DSE: variants seen among roughly 807,000 people sequenced by gnomAD.
The protein encoded by DSE is dermatan sulfate epimerase.
In DSE, 36 loss-of-function variants were observed where a neutral mutation model predicts 84.4. The observed-to-expected ratio is 0.43, with a 90% CI of 0.33 to 0.56. The LOEUF (loss-of-function observed/expected upper bound fraction) is 0.56, where lower values mean the gene tolerates loss of function less well. Among genes scored for constraint, DSE ranks in the 20% least tolerant of loss-of-function variants. The pLI, the probability that DSE is intolerant of heterozygous loss-of-function variation, is 0.06. For synonymous variants in DSE, 410 were observed against 430.1 expected, an observed-to-expected ratio of 0.95 and a Z score of 0.58; for missense variants, 862 against 1,169.6, an observed-to-expected ratio of 0.74 and a Z score of 3.84.
At chr6:116,268,366 G>A (rs1303997689) in intron 2 of DSE, among the ~76,000 whole-genome samples, 1 of 152,204 alleles carries the variant, frequency 6.6e-6, no homozygotes, top group Non-Finnish European at 1.5e-5. Context: ...TACATGTGTA[G>A]TAGGCTATAG....
rs1233256379 is a variant in DSE at position 116,438,174 on chromosome 6, A to C, written c.*829A>C. The C allele has an allele frequency of 6.6e-6, 1 of 152,578 alleles. No homozygotes were observed. Among genetic ancestry groups the C allele is most frequent in the African/African-American group, 2.4e-5 (1 of 41,458 alleles). The allele number at this position is 152,578 out of a possible 1,614,324, so 9.5% of individuals were successfully genotyped here. The stretch of plus-strand genomic sequence containing the variant: ...TTTTCTATTATGAATGTTGATTTTC[A>C]TACCAAAGAAGATGGAGAGTCTAAA... On this transcript the variant is annotated 3_prime_UTR_variant, in exon 6 of 6. Coordinates refer to ENST00000644252, the MANE Select transcript of DSE (RefSeq NM_013352.4).
intron 2 of DSE, among the ~76,000 whole-genome samples, chr6:116,406,165 G>T (rs946079017): frequency 6.6e-6 from 1 of 152,096 alleles, no homozygotes; most frequent in Non-Finnish European, 1.5e-5. Context: ...TCACTTGCTC[G>T]CCTACCTCCC....
In DSE at chr6:116,437,182, T is replaced by C; in HGVS notation, c.2714T>C (p.Leu905Pro). 3 of 1,614,184 alleles carry C rather than the reference T, an allele frequency of 1.9e-6. No individual in the cohort carries two copies. The highest frequency in any genetic ancestry group is 2.5e-6 in the Non-Finnish European group (3 of 1,180,022). The stretch of plus-strand genomic sequence containing the variant: ...TCTGCTTCCTATACCAGGTTGTTCC[T>C]GATTCTGAACATTGCTATTTTCTTT... ...SLSASYTRLF[L>P]ILNIAIFFVM... is the part of the protein sequence containing the mutation. Residue 905 changes from leucine to proline, a missense_variant, in exon 6 of 6, where the codon CTG becomes CCG. This residue lies in a region of DSE where 315 missense variants were observed against 348.1 expected (regional missense o/e 0.90). Transcript: ENST00000644252.
Position 116,262,123 on chromosome 6 carries a change from G to A in DSE, c.-54+3156G>A, listed in dbSNP as rs1772438941. Among the ~76,000 whole-genome samples, 12 of 152,324 alleles carry A rather than the reference G, an allele frequency of 7.9e-5. No homozygotes were observed. In the South Asian group the frequency reaches 2.3e-3, roughly 29 times the overall value. ...TGTTGGCCTCATAGAATAAGTTAGG[G>A]AGGATTCCCTCCTTTTCATTTTTTT... On this transcript the variant is annotated intron_variant, in intron 2 of 3. Coordinates refer to the DSE transcript ENST00000430252.
In DSE at chr6:116,435,661, G is replaced by T; in HGVS notation, c.1193G>T (p.Gly398Val). 6.2e-7 allele frequency: 1 copy of T among 1,614,102 alleles called. No individual in the cohort carries two copies. The highest frequency in any genetic ancestry group is 8.5e-7 in the Non-Finnish European group (1 of 1,179,990). Residue 398 changes from glycine to valine, a missense_variant, in exon 6 of 6, where the codon GGT (glycine) becomes GTT (valine). Transcript: ENST00000644252. The part of the protein sequence containing the change: ...TPTLHYFEDW[G>V]VVTYGSALPA... ...ACACTGCATTATTTTGAAGACTGGG[G>T]TGTCGTGACTTATGGAAGTGCACTA...
At position 116,399,166 on chromosome 6, in the gene DSE, C is replaced by CA. The variant is rs1387227882; in HGVS notation, c.-53-31dup. ...ACCTGTGCCATGTTCCCTTGGCTGA[C>CA]AGACACTTTTTTTCCTTTTTATCTC... On this transcript the variant is annotated intron_variant, in intron 1 of 5. Coordinates refer to ENST00000644252, the MANE Select transcript of DSE (RefSeq NM_013352.4). The CA allele has an allele frequency of 1.9e-6, 3 of 1,577,878 alleles. No homozygotes were observed. The African/African-American group carries it at 4.0e-5, about 21-fold the overall frequency.
chr6:116,443,628 A>G lies in DSE; in HGVS notation c.*6283A>G, dbSNP rs1355587160. 1 of 152,246 alleles carries G rather than the reference A, an allele frequency of 6.6e-6. No individual in the cohort carries two copies. The allele number at this position is 152,246 out of a possible 1,614,324, so 9.4% of individuals were successfully genotyped here. On this transcript the variant is annotated 3_prime_UTR_variant, in exon 6 of 6. Transcript: ENST00000644252. Reference sequence around the variant, plus strand: ...GAGTACTTTCTAAATCAGAAAAGTAAAAGTGCTGCTCCTTCTGCATATCTC... The same window carrying G: ...GAGTACTTTCTAAATCAGAAAAGTAGAAGTGCTGCTCCTTCTGCATATCTC...
chr6:116,316,779 C>T (rs1761077450), intron 2 of DSE, among the ~76,000 whole-genome samples: 1 of 151,286 alleles, frequency 6.6e-6, no homozygotes, highest in Non-Finnish European at 1.5e-5. Flanking sequence ...ATTGATTAAG[C>T]TTCTTCTTCT....
At chr6:116,369,727 T>C (rs1022011414), upstream of DSE, 12 of 362,724 alleles carry the variant, frequency 3.3e-5, no homozygotes, top group Admixed American at 2.2e-4. Context: ...TACCACTTCC[T>C]CTTGACCTGT....
chr6:116,317,608 G>C (rs1344205792), intron 2 of DSE, among the ~76,000 whole-genome samples: 3 of 152,154 alleles, frequency 2.0e-5, no homozygotes, highest in African/African-American at 7.2e-5. Context: ...TAAACAAAAG[G>C]GGTGTGTGTG....
At chr6:116,372,671 T>C (rs1361833077) in intron 1 of DSE, among the ~76,000 whole-genome samples, 2 of 152,226 alleles carry the variant, frequency 1.3e-5, no homozygotes, top group African/African-American at 4.8e-5. Context: ...ACGATACAGA[T>C]ATAAGTTCTT....
chr6:116,404,530 T>A (rs1365002147), intron 2 of DSE, among the ~76,000 whole-genome samples: 1 of 152,254 alleles, frequency 6.6e-6, no homozygotes, highest in African/African-American at 2.4e-5. Context: ...GTTAGCCACA[T>A]GTCCTTTGAC....
At chr6:116,311,009 A>G (rs1366021902) in intron 2 of DSE, among the ~76,000 whole-genome samples, 2 of 152,056 alleles carry the variant, frequency 1.3e-5, no homozygotes, top group Non-Finnish European at 2.9e-5. Flanking sequence ...CTGCGCTTCC[A>G]GTGTGCCATG....
intron 2 of DSE, among the ~76,000 whole-genome samples, chr6:116,322,207 A>G (rs1221745334): frequency 1.3e-5 from 2 of 151,120 alleles, no homozygotes; most frequent in African/African-American, 4.9e-5. Context: ...TTTCTATACA[A>G]TGTCTGTAAT....
At chr6:116,387,986 A>T (rs1409957938) in intron 1 of DSE, among the ~76,000 whole-genome samples, 1 of 152,180 alleles carries the variant, frequency 6.6e-6, no homozygotes, top group Non-Finnish European at 1.5e-5. Context: ...TGGGAATTTG[A>T]AAAAGGGCTT....
intron 2 of DSE, among the ~76,000 whole-genome samples, chr6:116,348,574 T>C (rs1256755340): frequency 1.3e-5 from 2 of 152,190 alleles, no homozygotes; most frequent in African/African-American, 4.8e-5. Context: ...TGGCGATTCC[T>C]CAAGGATCTA....
At chr6:116,279,971 G>C in intron 2 of DSE, 2 of 1,229,584 alleles carry the variant, frequency 1.6e-6, no homozygotes, top group Non-Finnish European at 2.4e-6. Flanking sequence ...GAGATCTCAC[G>C]GTATCGCGAG....
intron 2 of DSE, among the ~76,000 whole-genome samples, chr6:116,365,338 C>T (rs1274751552): frequency 1.3e-5 from 2 of 152,166 alleles, no homozygotes; most frequent in Non-Finnish European, 2.9e-5. Context: ...ACTGCAAGCT[C>T]CGCCTCCTGG....
At chr6:116,331,657 AGAATT>A (rs1189518312) in intron 2 of DSE, among the ~76,000 whole-genome samples, 1 of 152,150 alleles carries the variant, frequency 6.6e-6, no homozygotes, top group East Asian at 1.9e-4. Flanking sequence ...GTAAGGAAGA[AGAATT>A]GAAAAGAACA....
Sources: allele counts gnomAD v4.1 joint callset (sites outside exome capture counted in the v4.1 genomes callset), GRCh38; gene constraint gnomAD v4.1.1; regional missense constraint gnomAD v4.1.1; transcripts MANE v1.5; gene names NCBI Gene and HGNC (gene_info 2026-07-23, HGNC 2026-07-21).